Variants in CPQ observed in about 807,000 individuals in gnomAD.
CPQ encodes the protein carboxypeptidase Q.
A neutral mutation model predicts 45.7 loss-of-function variants in CPQ; 37 were observed. The observed-to-expected ratio is 0.81, with a 90% CI of 0.62 to 1.07. The LOEUF (loss-of-function observed/expected upper bound fraction) is 1.07. CPQ is among the 50% of genes least tolerant of loss of function. The probability of loss-of-function intolerance (pLI) is 0.00; values close to 1 mark genes in which losing one functional copy is unlikely to be tolerated. For missense variants in CPQ, 537 were observed against 572.9 expected, an observed-to-expected ratio of 0.94 and a Z score of 0.64; for synonymous variants, 186 against 205.8, an observed-to-expected ratio of 0.90 and a Z score of 0.82.
At chr8:96,902,627 G>A (rs982134059) in intron 4 of CPQ, among the ~76,000 whole-genome samples, 1 of 152,102 alleles carries the variant, frequency 6.6e-6, no homozygotes, top group Non-Finnish European at 1.5e-5. Context: ...ACCACTCAGG[G>A]AACTTCCCCC....
intron 4 of CPQ, among the ~76,000 whole-genome samples, chr8:96,938,917 C>G (rs775509431): frequency 1.3e-5 from 2 of 152,140 alleles, no homozygotes; most frequent in Non-Finnish European, 2.9e-5. Context: ...TGCTGTAGTA[C>G]GATTCTGGGA....
intron 1 of CPQ, among the ~76,000 whole-genome samples, chr8:96,703,616 A>T (rs551314979): frequency 6.6e-6 from 1 of 152,232 alleles, no homozygotes; most frequent in South Asian, 2.1e-4. Flanking sequence ...ATTACATACT[A>T]TTTGTTGAGT....
At chr8:96,730,905 A>T (rs569973805) in intron 1 of CPQ, among the ~76,000 whole-genome samples, 11 of 140,906 alleles carry the variant, frequency 7.8e-5, no homozygotes, top group South Asian at 2.3e-4. Context: ...ATTTTTTTTT[A>T]AAAAGATACA....
At chr8:97,089,333 G>A (rs912304956) in intron 7 of CPQ, among the ~76,000 whole-genome samples, 4 of 151,836 alleles carry the variant, frequency 2.6e-5, no homozygotes, top group Non-Finnish European at 5.9e-5. Flanking sequence ...TATTAAGAAA[G>A]TTGCATTGCT....
intron 4 of CPQ, among the ~76,000 whole-genome samples, chr8:96,934,892 C>G (rs943754020): frequency 6.6e-6 from 1 of 152,190 alleles, no homozygotes; most frequent in African/African-American, 2.4e-5. Flanking sequence ...CAGATCATCA[C>G]GGTCTCCCAG....
chr8:97,053,407 G>A (rs1268794163), intron 6 of CPQ, among the ~76,000 whole-genome samples: 1 of 152,174 alleles, frequency 6.6e-6, no homozygotes, highest in African/African-American at 2.4e-5. Flanking sequence ...TTTGATAGAG[G>A]GGAACAAGGC....
intron 4 of CPQ, among the ~76,000 whole-genome samples, chr8:96,900,727 C>T (rs191483382): frequency 2.0e-4 from 30 of 152,204 alleles, no homozygotes; most frequent in South Asian, 2.1e-4. Context: ...CAAGGTTGGA[C>T]GGGAACTTAA....
At chr8:96,777,295 C>G (rs1401239361) in intron 1 of CPQ, among the ~76,000 whole-genome samples, 1 of 151,988 alleles carries the variant, frequency 6.6e-6, no homozygotes, top group Admixed American at 6.6e-5. Context: ...AAGTATTCCC[C>G]AAGGTTTGCC....
intron 1 of CPQ, among the ~76,000 whole-genome samples, chr8:96,647,085 T>C (rs1815527583): frequency 6.6e-6 from 1 of 152,246 alleles, no homozygotes; most frequent in South Asian, 2.1e-4. Context: ...CATTTGAGAT[T>C]AGTTATCATA....
intron 1 of CPQ, among the ~76,000 whole-genome samples, chr8:96,668,775 A>G (rs2130718484): frequency 6.6e-6 from 1 of 152,238 alleles, no homozygotes; most frequent in Non-Finnish European, 1.5e-5. Context: ...CTGAGGAATG[A>G]CACATTACTG....
At chr8:96,794,216 C>T (rs1022481732) in intron 2 of CPQ, among the ~76,000 whole-genome samples, 1 of 152,200 alleles carries the variant, frequency 6.6e-6, no homozygotes, top group South Asian at 2.1e-4. Context: ...ACCTGGACAT[C>T]CAGATGTTTC....
chr8:97,110,881 C>G (rs550064810), intron 7 of CPQ, among the ~76,000 whole-genome samples: 2 of 152,274 alleles, frequency 1.3e-5, no homozygotes, highest in Non-Finnish European at 2.9e-5. Flanking sequence ...TCAATATGAT[C>G]CGACTCACCC....
At chr8:97,110,305 C>A (rs1339770049) in intron 7 of CPQ, among the ~76,000 whole-genome samples, 1 of 152,180 alleles carries the variant, frequency 6.6e-6, no homozygotes, top group Non-Finnish European at 1.5e-5. Flanking sequence ...ATAATTCATT[C>A]TTTTTGATTG....
At chr8:97,038,791 T>C (rs531890496) in intron 6 of CPQ, among the ~76,000 whole-genome samples, 1 of 114,742 alleles carries the variant, frequency 8.7e-6, no homozygotes, top group African/African-American at 3.4e-5. Context: ...ACTAGACAAA[T>C]GAGTATGGCT....
chr8:96,778,680 A>G (rs1192200040), intron 1 of CPQ, among the ~76,000 whole-genome samples: 1 of 152,180 alleles, frequency 6.6e-6, no homozygotes, highest in East Asian at 1.9e-4. Flanking sequence ...ATTTAGAATA[A>G]CACTCAGTTT....
chr8:97,065,472 A>C (rs1308398624), intron 6 of CPQ, among the ~76,000 whole-genome samples: 1 of 152,188 alleles, frequency 6.6e-6, no homozygotes, highest in Non-Finnish European at 1.5e-5. Context: ...CAACAGATGG[A>C]ACAACAACAA....
intron 1 of CPQ, among the ~76,000 whole-genome samples, chr8:96,722,145 G>T (rs1395788119): frequency 6.6e-6 from 1 of 152,118 alleles, no homozygotes; most frequent in Non-Finnish European, 1.5e-5. Flanking sequence ...TTAGTACAAT[G>T]CATGGTTCAC....
At chr8:97,068,143 T>C (rs189850349) in intron 7 of CPQ, among the ~76,000 whole-genome samples, 4 of 152,218 alleles carry the variant, frequency 2.6e-5, no homozygotes, top group African/African-American at 9.6e-5. Flanking sequence ...TCATTGAGAC[T>C]TGGCTCTAGC....
Position 97,066,074 on chromosome 8 carries a change from G to A in CPQ, c.1119G>A (p.Leu373=), listed in dbSNP as rs1810631061. ...SDAGTFLPTG[L]QFTGSEKARA... is the part of the protein sequence containing the mutation. ...CAGGAACCTTCTTACCCACTGGGCT[G>A]CAATTCACTGGCAGTGAAAAGGCCA... is the stretch of plus-strand genomic sequence containing the variant. Residue 373 remains leucine, a synonymous_variant, in exon 7 of 8, where the codon CTG becomes CTA. Coordinates refer to ENST00000220763, the MANE Select transcript of CPQ (RefSeq NM_016134.4). 2 of 1,611,574 alleles carry A rather than the reference G, an allele frequency of 1.2e-6. No individual in the cohort carries two copies. The highest frequency in any genetic ancestry group is 1.3e-5 in the African/African-American group (1 of 74,822).
Sources: allele counts gnomAD v4.1 joint callset (sites outside exome capture counted in the v4.1 genomes callset), GRCh38; gene constraint gnomAD v4.1.1; transcripts MANE v1.5; gene names NCBI Gene and HGNC (gene_info 2026-07-23, HGNC 2026-07-21).